Variants in ETV5 observed in about 807,000 individuals in gnomAD.
ETV5 encodes ETS translocation variant 5.
Under a neutral mutation model 70.0 loss-of-function variants are expected in ETV5, and 10 were observed. The ratio of observed to expected loss-of-function variants is 0.14; its 90% CI spans 0.09 to 0.24. The LOEUF is 0.24. Ranked by LOEUF, ETV5 falls within the 10% of genes least tolerant of loss-of-function variation. The pLI is 1.00. For missense variants in ETV5, 453 were observed against 651.2 expected, an observed-to-expected ratio of 0.70 and a Z score of 3.31; for synonymous variants, 216 against 242.2, an observed-to-expected ratio of 0.89 and a Z score of 1.01.
chr3:186,059,673 G>A (rs1384459350), intron 9 of ETV5, among the ~76,000 whole-genome samples: 1 of 152,128 alleles, frequency 6.6e-6, no homozygotes, highest in Non-Finnish European at 1.5e-5. Flanking sequence ...AATAAACATA[G>A]TCATTGTACA....
intron 7 of ETV5, among the ~76,000 whole-genome samples, chr3:186,072,148 A>C (rs1338639045): frequency 2.0e-5 from 3 of 146,438 alleles, no homozygotes; most frequent in Non-Finnish European, 4.5e-5. Flanking sequence ...GCAGATCACC[A>C]TGTGAGTTCC....
intron 7 of ETV5, among the ~76,000 whole-genome samples, chr3:186,071,537 A>G (rs1297058050): frequency 3.3e-5 from 5 of 152,226 alleles, no homozygotes; most frequent in Non-Finnish European, 7.3e-5. Context: ...GATACCTTGT[A>G]AAGATGATGT....
chr3:186,101,635 T>C (rs1714461012), intron 5 of ETV5, among the ~76,000 whole-genome samples: 1 of 152,172 alleles, frequency 6.6e-6, no homozygotes, highest in Non-Finnish European at 1.5e-5. Context: ...GTATCTGAAA[T>C]AATGGAGACC....
At chr3:186,104,742 CTTTT>C (rs869046424) in intron 5 of ETV5, among the ~76,000 whole-genome samples, 2 of 136,754 alleles carry the variant, frequency 1.5e-5, no homozygotes, top group Middle Eastern at 3.8e-3. Flanking sequence ...TTGCAATATT[CTTTT>C]TTTTTTTTTT....
Position 186,052,149 on chromosome 3 carries a change from T to C in ETV5, c.1210-18A>G, listed in dbSNP as rs1553786092. On this transcript the variant is annotated intron_variant, in intron 11 of 12. Coordinates refer to ENST00000306376, the MANE Select transcript of ETV5 (RefSeq NM_004454.3). The surrounding 1 kb of genome is among the most constrained non-coding windows in gnomAD (Gnocchi z 4.5). ...CGAGCAACCTGAAGAGACAGGAAAG[T>C]GAAGAGCAATGGAAACGCATTCCCT... 3 of 1,611,864 alleles carry C rather than the reference T, an allele frequency of 1.9e-6. No individual in the cohort carries two copies.
At chr3:186,089,694 G>C (rs562665510) in intron 5 of ETV5, among the ~76,000 whole-genome samples, 5 of 152,142 alleles carry the variant, frequency 3.3e-5, no homozygotes, top group African/African-American at 9.7e-5. Flanking sequence ...AAAAGTCAGC[G>C]ACTGGCCAAG....
intron 7 of ETV5, among the ~76,000 whole-genome samples, chr3:186,066,782 G>A (rs1713457474): frequency 6.6e-6 from 1 of 152,184 alleles, no homozygotes; most frequent in Admixed American, 6.5e-5. Context: ...ACTAGCTACT[G>A]ACATATGTCA....
At chr3:186,075,715 C>T (rs964324118) in intron 7 of ETV5, among the ~76,000 whole-genome samples, 1 of 152,214 alleles carries the variant, frequency 6.6e-6, no homozygotes, top group Non-Finnish European at 1.5e-5. Flanking sequence ...CTGTCAATTA[C>T]AGCATGCTAG....
At chr3:186,097,684 G>A (rs1451594850) in intron 5 of ETV5, among the ~76,000 whole-genome samples, 1 of 152,206 alleles carries the variant, frequency 6.6e-6, no homozygotes, top group Non-Finnish European at 1.5e-5. Context: ...CAGGCCATCA[G>A]CCCGGCAGTT....
Position 186,052,257 on chromosome 3 carries a change from G to T in ETV5, c.1210-126C>A. On this transcript the variant is annotated intron_variant, in intron 11 of 12. Transcript: ENST00000306376. This position sits in a 1 kb window ranked among gnomAD's most constrained non-coding sequence, Gnocchi z 4.5. Reference sequence around the variant, plus strand: ...GTCAATGATCTGCTACTCTGACCTGGAAGGGAAGGCATTTAACTCCCTCAA... The same window carrying T: ...GTCAATGATCTGCTACTCTGACCTGTAAGGGAAGGCATTTAACTCCCTCAA... The T allele has an allele frequency of 1.3e-6, 1 of 793,562 alleles. No individual in the cohort carries two copies. The highest frequency in any genetic ancestry group is 2.1e-6 in the Non-Finnish European group (1 of 484,724). The allele number at this position is 793,562 out of a possible 1,614,324, so 49.2% of individuals were successfully genotyped here.
At chr3:186,053,849 C>T (rs58245033) in intron 11 of ETV5, among the ~76,000 whole-genome samples, 19,158 of 152,216 alleles carry the variant, frequency 0.13, 1,239 homozygotes, top group South Asian at 0.15. Flanking sequence ...TAATATACAT[C>T]ATTGTACCCT....
intron 5 of ETV5, among the ~76,000 whole-genome samples, chr3:186,097,559 C>T (rs1714334480): frequency 6.6e-6 from 1 of 152,192 alleles, no homozygotes; most frequent in Admixed American, 6.5e-5. Context: ...AGCTAAACCA[C>T]CCTCTCCTCT....
At chr3:186,058,031 G>A (rs1175942151) in intron 9 of ETV5, among the ~76,000 whole-genome samples, 3 of 152,212 alleles carry the variant, frequency 2.0e-5, no homozygotes, top group African/African-American at 4.8e-5. Flanking sequence ...GATTTCGAAA[G>A]CAGTATTGGG....
intron 11 of ETV5, among the ~76,000 whole-genome samples, chr3:186,053,186 C>G (rs1401247210): frequency 6.6e-6 from 1 of 152,190 alleles, no homozygotes; most frequent in East Asian, 1.9e-4. Context: ...ACTGCAACCT[C>G]TGCCTCCCAG....
intron 5 of ETV5, among the ~76,000 whole-genome samples, chr3:186,091,903 A>G (rs1714191129): frequency 6.6e-6 from 1 of 152,234 alleles, no homozygotes; most frequent in Non-Finnish European, 1.5e-5. Flanking sequence ...ATAGCAGCCA[A>G]TGAAATTAGA....
chr3:186,093,447 T>C (rs1409174353), intron 5 of ETV5, among the ~76,000 whole-genome samples: 1 of 152,166 alleles, frequency 6.6e-6, no homozygotes, highest in Non-Finnish European at 1.5e-5. Context: ...ATTGCAACAT[T>C]CAGCAAACAA....
At chr3:186,068,952 A>G (rs553226129) in intron 7 of ETV5, among the ~76,000 whole-genome samples, 179 of 152,360 alleles carry the variant, frequency 1.2e-3, no homozygotes, top group African/African-American at 4.2e-3. Flanking sequence ...TTAAGGTCTT[A>G]TTCTCTACTT....
intron 5 of ETV5, among the ~76,000 whole-genome samples, chr3:186,089,585 G>A (rs1714133658): frequency 6.6e-6 from 1 of 152,202 alleles, no homozygotes. Flanking sequence ...ATAAATGTGA[G>A]AAGTGAGAGA....
intron 8 of ETV5, among the ~76,000 whole-genome samples, chr3:186,064,994 A>G (rs1713406056): frequency 6.6e-6 from 1 of 152,224 alleles, no homozygotes; most frequent in Non-Finnish European, 1.5e-5. Flanking sequence ...AGCCAGGACC[A>G]GCATTGGAAG....
Sources: gnomAD v4.1 joint callset for allele counts (sites outside exome capture counted in the v4.1 genomes callset) on GRCh38, gnomAD v4.1.1 for gene constraint, Gnocchi (gnomAD v3.1) non-coding constraint, MANE v1.5 for transcripts, NCBI Gene and HGNC (gene_info 2026-07-23, HGNC 2026-07-21) for gene names.